NCOR2: variants seen among roughly 807,000 people sequenced by gnomAD.
NCOR2 encodes nuclear receptor corepressor 2.
Under a neutral mutation model 262.9 loss-of-function variants are expected in NCOR2, and 81 were observed. The observed-to-expected ratio is 0.31, with a 90% CI of 0.26 to 0.37. NCOR2 has a LOEUF of 0.37. Ranked by LOEUF, NCOR2 falls within the 10% of genes least tolerant of loss-of-function variation. The probability of loss-of-function intolerance (pLI) is 1.00; values close to 1 mark genes in which losing one functional copy is unlikely to be tolerated. For synonymous variants in NCOR2, 1,659 were observed against 1,559.3 expected, an observed-to-expected ratio of 1.06 and a Z score of -1.51; for missense variants, 3,385 against 3,621.4, an observed-to-expected ratio of 0.93 and a Z score of 1.68.
chr12:124,376,676 G>T (rs1373694609), intron 18 of NCOR2, among the ~76,000 whole-genome samples: 1 of 152,238 alleles, frequency 6.6e-6, no homozygotes, highest in Non-Finnish European at 1.5e-5. Flanking sequence ...GGGAAGCGGG[G>T]ATTCGGGCTG....
In NCOR2 at chr12:124,523,339, T is replaced by C. The variant is rs2137102666; in HGVS notation, c.-118+12226A>G. ...CGGCTGGGGGCAGGGGGCAGGTGGC[T>C]GCCTGTTCTGGGGCTCCTGGGAACC... On this transcript the variant is annotated intron_variant, in intron 1 of 46. Coordinates refer to the NCOR2 transcript ENST00000404621. This position sits in a 1 kb window ranked among gnomAD's most constrained non-coding sequence, Gnocchi z 4.0. 6.6e-6 allele frequency among the ~76,000 whole-genome samples: 1 copy of C among 152,252 alleles called. No individual in the cohort carries two copies. The highest frequency in any genetic ancestry group is 2.1e-4 in the South Asian group (1 of 4,824).
intron 38 of NCOR2, chr12:124,335,887 G>A: frequency 2.0e-6 from 1 of 509,300 alleles, no homozygotes; most frequent in Non-Finnish European, 3.5e-6. Flanking sequence ...AGAGAGATTA[G>A]GCAAGAAGGG....
At chr12:124,527,616 C>T (rs1018228184) in intron 1 of NCOR2, among the ~76,000 whole-genome samples, 1 of 152,142 alleles carries the variant, frequency 6.6e-6, no homozygotes, top group Non-Finnish European at 1.5e-5. Flanking sequence ...CGGGGTTTCA[C>T]CATGTTGGCC....
At position 124,344,806 on chromosome 12, in the gene NCOR2, G is replaced by T. The variant is rs1216134350; in HGVS notation, c.4505C>A (p.Ala1502Asp). The T allele has an allele frequency of 3.2e-6, 5 of 1,554,030 alleles. No individual in the cohort carries two copies. The South Asian group carries it at 5.9e-5, about 18-fold the overall frequency. Residue 1502 changes from alanine (A) to aspartate (D), a missense_variant, in exon 32 of 47, where the codon GCC (alanine) becomes GAC (aspartate). Around this residue, in one of 5 missense-constraint regions of NCOR2, gnomAD observed 1,615 missense variants for 1,626.9 expected, o/e 0.99. Transcript: ENST00000405201. ...GCTCTTCAGGCTCTCCTCGTAGCAGGCACGTTCCAGTGCCCGGGCGTCGGC... is the reference window on the plus strand; with the variant it reads ...GCTCTTCAGGCTCTCCTCGTAGCAGTCACGTTCCAGTGCCCGGGCGTCGGC...
intron 8 of NCOR2, among the ~76,000 whole-genome samples, chr12:124,437,019 G>A (rs1041689864): frequency 6.6e-6 from 1 of 152,148 alleles, no homozygotes; most frequent in Non-Finnish European, 1.5e-5. Context: ...CCGAGAGGCG[G>A]AGGCTGCAGT....
At chr12:124,332,506 C>T (rs1313789178) in intron 42 of NCOR2, 39 bp from the exon 45 acceptor site, 3 of 1,613,100 alleles carry the variant, frequency 1.9e-6, no homozygotes, top group Non-Finnish European at 2.5e-6. Flanking sequence ...TCACTTGGTG[C>T]CGAGCTTGCA....
In NCOR2 at chr12:124,503,279, T is replaced by G. The variant is rs1468986100; in HGVS notation, c.-117-7911A>C. Among the ~76,000 whole-genome samples, 2 of 152,160 alleles carry G rather than the reference T, an allele frequency of 1.3e-5. No homozygotes were observed. The highest frequency in any genetic ancestry group is 2.9e-5 in the Non-Finnish European group (2 of 68,036). On this transcript the variant is annotated intron_variant, in intron 1 of 46. Coordinates refer to the NCOR2 transcript ENST00000404621. This position sits in a 1 kb window ranked among gnomAD's most constrained non-coding sequence, Gnocchi z 4.3. ...CCTGCTGACCACGGCCCACACCCAG[T>G]GACAGGTCTGGCCCAACTGGCAGAC... is the stretch of plus-strand genomic sequence containing the variant.
At chr12:124,559,416 T>A (rs1414001563) in intron 1 of NCOR2, among the ~76,000 whole-genome samples, 1 of 152,176 alleles carries the variant, frequency 6.6e-6, no homozygotes, top group Non-Finnish European at 1.5e-5. Context: ...TGGGACATCT[T>A]TCACCATCCA....
At position 124,349,937 on chromosome 12, in the gene NCOR2, C is replaced by T. The variant is rs1016419420; in HGVS notation, c.3844+650G>A. 2.6e-5 allele frequency among the ~76,000 whole-genome samples: 4 copies of T among 152,160 alleles called. No individual in the cohort carries two copies. The East Asian group carries it at 5.8e-4, about 22-fold the overall frequency. ...GAGTGCATTATGTTCCTAAGCCACA[C>T]GGTGCCACCTCCACCTCCCAGGCCT... On this transcript the variant is annotated intron_variant, in intron 28 of 46. Transcript: ENST00000405201.
intron 11 of NCOR2, among the ~76,000 whole-genome samples, chr12:124,424,769 A>G (rs2043436484): frequency 6.6e-6 from 1 of 152,118 alleles, no homozygotes; most frequent in South Asian, 2.1e-4. Context: ...CTTTGGAGGA[A>G]GCTCTTGTCC....
chr12:124,334,459 C>A (rs775770418), exon 41 of NCOR2: 3 of 1,495,592 alleles, frequency 2.0e-6, no homozygotes, highest in East Asian at 5.3e-5. Context: ...AGCCACGGGC[C>A]GGGGCACCAT....
chr12:124,348,346 C>T (rs746505737), intron 28 of NCOR2, 32 bp from the exon 31 acceptor site: 4 of 1,576,804 alleles, frequency 2.5e-6, no homozygotes. Flanking sequence ...CGGTGAGGAG[C>T]TGGGCACGGG....
Position 124,330,949 on chromosome 12 carries a change from C to G in NCOR2, c.6905-51G>C, listed in dbSNP as rs893761648. 3 of 1,547,836 alleles carry G rather than the reference C, an allele frequency of 1.9e-6. No individual in the cohort carries two copies. The African/African-American group carries it at 4.1e-5, about 21-fold the overall frequency. On this transcript the variant is annotated intron_variant, in intron 43 of 46. Coordinates refer to ENST00000405201, the Ensembl canonical transcript of NCOR2. ...AGGCCCCCAGGTCTCTGGGAATTAC[C>G]TGCCCTACCAGTCCCGTGTGGTCCA...
At chr12:124,362,540 T>TG (rs2038674543) in intron 21 of NCOR2, among the ~76,000 whole-genome samples, 2 of 138,680 alleles carry the variant, frequency 1.4e-5, no homozygotes, top group Admixed American at 7.3e-5. Flanking sequence ...CCAGAAAGCC[T>TG]GCCCCAGCTG....
chr12:124,520,953 T>C (rs748154887), intron 1 of NCOR2, among the ~76,000 whole-genome samples: 5 of 151,670 alleles, frequency 3.3e-5, no homozygotes, highest in Non-Finnish European at 5.9e-5. Flanking sequence ...CCAAAGGGGG[T>C]CTGGAAAGGG....
At chr12:124,337,334 C>T (rs1002687913) in intron 37 of NCOR2, 154 bp from the exon 40 acceptor site, 22 of 898,260 alleles carry the variant, frequency 2.4e-5, no homozygotes, top group East Asian at 1.6e-4. Context: ...AGACTCTGTG[C>T]GTCATGGTTT....
intron 7 of NCOR2, among the ~76,000 whole-genome samples, chr12:124,439,405 A>ACG: frequency 7.2e-6 from 1 of 138,492 alleles, no homozygotes; most frequent in Non-Finnish European, 1.6e-5. Context: ...ACAGAGGGAG[A>ACG]CAGAGACCCA....
At chr12:124,456,788 C>T (rs1369005704) in intron 6 of NCOR2, among the ~76,000 whole-genome samples, 2 of 152,174 alleles carry the variant, frequency 1.3e-5, no homozygotes, top group African/African-American at 2.4e-5. Context: ...CTGGAGCAAG[C>T]GCACCGGCCT....
rs58972719 is a variant in NCOR2 at position 124,520,262 on chromosome 12, G to T, written c.-118+15303C>A. Among the ~76,000 whole-genome samples the T allele has an allele frequency of 0.01, 1,539 of 152,278 alleles. 61 individuals are homozygous for T. The East Asian group carries it at 0.11, about 11-fold the overall frequency. On this transcript the variant is annotated intron_variant, in intron 1 of 46. Coordinates refer to the NCOR2 transcript ENST00000404621. Reference sequence around the variant, plus strand: ...GAAACTGAGGCACAGGAAGGCACGGGCATATTTTTAGCCCAAAGATCCAGC... The same window carrying T: ...GAAACTGAGGCACAGGAAGGCACGGTCATATTTTTAGCCCAAAGATCCAGC...
Sources: gnomAD v4.1 joint callset for allele counts (sites outside exome capture counted in the v4.1 genomes callset) on GRCh38, gnomAD v4.1.1 for gene constraint, gnomAD v4.1.1 regional missense constraint, Gnocchi (gnomAD v3.1) non-coding constraint, MANE v1.5 for transcripts, NCBI Gene and HGNC (gene_info 2026-07-23, HGNC 2026-07-21) for gene names.